KLHL25: variants seen among roughly 807,000 people sequenced by gnomAD.
The protein encoded by KLHL25 is kelch like family member 25.
Under a neutral mutation model 30.0 loss-of-function variants are expected in KLHL25, and 41 were observed. The observed-to-expected ratio is 1.37, with a 90% confidence interval of 1.07 to 1.78. The LOEUF is 1.78. Ranked by LOEUF, KLHL25 falls within the 40% of genes most tolerant of loss-of-function variation. The pLI is 0.00. For missense variants in KLHL25, 971 were observed against 824.5 expected, an observed-to-expected ratio of 1.18 and a Z score of -2.18; for synonymous variants, 399 against 355.3, an observed-to-expected ratio of 1.12 and a Z score of -1.38.
At position 85,793,863 on chromosome 15, in the gene KLHL25, C is replaced by T. The variant is rs192759964; in HGVS notation, c.-11+903G>A. 3.3e-3 allele frequency among the ~76,000 whole-genome samples: 509 copies of T among 152,260 alleles called. 3 individuals carry two copies. Among genetic ancestry groups the T allele is most frequent in the Non-Finnish European group, 2.4e-3 (166 of 68,030 alleles). ...CCCAAGAGCGTCCAGATTAAATCTG[C>T]AGGGGCCTGGGTCCGCCCCCTCACC... On this transcript the variant is annotated intron_variant, in intron 1 of 2. Transcript: ENST00000337975.
At chr15:85,778,026 G>C (rs2089720834) in intron 1 of KLHL25, among the ~76,000 whole-genome samples, 1 of 152,162 alleles carries the variant, frequency 6.6e-6, no homozygotes, top group African/African-American at 2.4e-5. Flanking sequence ...CCGCAGCAAG[G>C]AACAACCCCC....
In KLHL25 at chr15:85,769,253, G is replaced by A; in HGVS notation, c.558C>T (p.Asn186=). ...FETVRQSEDF[N]SLSKDTLLDL... ...CCAGCAGTGTGTCCTTGGACAGGCT[G>A]TTGAAGTCCTCGCTCTGCCTCACCG... Residue 186 remains asparagine (N), a synonymous_variant, in exon 2 of 3, where the codon AAC becomes AAT. Coordinates refer to ENST00000337975, the MANE Select transcript of KLHL25 (RefSeq NM_022480.4). 2 of 1,613,900 alleles carry A rather than the reference G, an allele frequency of 1.2e-6. No individual in the cohort carries two copies. The highest frequency in any genetic ancestry group is 8.5e-7 in the Non-Finnish European group (1 of 1,180,044).
chr15:85,769,935 T>G (rs2151807484), intron 1 of KLHL25, 115 bp from the exon 2 acceptor site: 1 of 865,406 alleles, frequency 1.2e-6, no homozygotes, highest in East Asian at 2.7e-5. Flanking sequence ...TCTGCTCACC[T>G]CTGCTAAACC....
intron 1 of KLHL25, among the ~76,000 whole-genome samples, chr15:85,774,730 C>G (rs1237222406): frequency 6.6e-6 from 1 of 152,046 alleles, no homozygotes; most frequent in South Asian, 2.1e-4. Flanking sequence ...GATGGGGAAA[C>G]GAGAGAGGCA....
At chr15:85,770,736 A>G (rs1484959648) in intron 1 of KLHL25, among the ~76,000 whole-genome samples, 3 of 152,162 alleles carry the variant, frequency 2.0e-5, no homozygotes, top group Admixed American at 1.3e-4. Context: ...CAGGTCCCCC[A>G]GCTGACGCCA....
At chr15:85,770,173 G>T (rs188962540) in intron 1 of KLHL25, among the ~76,000 whole-genome samples, 13 of 152,340 alleles carry the variant, frequency 8.5e-5, no homozygotes, top group Non-Finnish European at 2.9e-5. Context: ...TGTCCGGGCA[G>T]TGCTAAGTAA....
At chr15:85,785,863 A>G (rs991014705) in intron 1 of KLHL25, among the ~76,000 whole-genome samples, 1 of 152,194 alleles carries the variant, frequency 6.6e-6, no homozygotes, top group Non-Finnish European at 1.5e-5. Flanking sequence ...TGATGCCTGA[A>G]AAGAAACCTG....
intron 1 of KLHL25, among the ~76,000 whole-genome samples, chr15:85,776,673 A>C (rs1465226985): frequency 1.3e-5 from 2 of 151,812 alleles, no homozygotes; most frequent in Non-Finnish European, 2.9e-5. Context: ...CGCCTGTAAT[A>C]CCAGCACTTT....
rs1450089394 is a variant in KLHL25 at position 85,790,589 on chromosome 15, C to T, written c.-11+4177G>A. Among the ~76,000 whole-genome samples the T allele has an allele frequency of 2.6e-5, 4 of 152,146 alleles. 1 individual carries two copies. In the East Asian group the frequency reaches 7.7e-4, roughly 29 times the overall value. On this transcript the variant is annotated intron_variant, in intron 1 of 2. Coordinates refer to ENST00000337975, the MANE Select transcript of KLHL25 (RefSeq NM_022480.4). ...TTGAGGCTCACAGGGGTAAGGGAAC[C>T]TGCATGTAGTCACACAGGCAAGCTG... is the stretch of plus-strand genomic sequence containing the variant.
chr15:85,791,058 A>G (rs563317653), intron 1 of KLHL25, among the ~76,000 whole-genome samples: 34 of 152,008 alleles, frequency 2.2e-4, no homozygotes, highest in African/African-American at 8.0e-4. Context: ...AAAGCCGAGC[A>G]TGGTGGCGGG....
At position 85,769,739 on chromosome 15, in the gene KLHL25, G is replaced by A; in HGVS notation, c.72C>T (p.His24=). The change falls in exon 2 of 3, where the codon CAC becomes CAT. Residue 24 remains histidine, a synonymous_variant. Transcript: ENST00000337975. Reference sequence around the variant, plus strand: ...GCACACAGTCCGGGTGGGAGGCCTTGTGGAAGAGGGTGACGTTCATGGACC... The same window carrying A: ...GCACACAGTCCGGGTGGGAGGCCTTATGGAAGAGGGTGACGTTCATGGACC... ...STGSMNVTLF[H]KASHPDCVLA... is the part of the protein sequence containing the mutation. 1.2e-6 allele frequency: 2 copies of A among 1,613,774 alleles called. No individual in the cohort carries two copies. Among genetic ancestry groups the A allele is most frequent in the Non-Finnish European group, 1.7e-6 (2 of 1,180,044 alleles).
At chr15:85,774,854 C>G (rs956870158) in intron 1 of KLHL25, among the ~76,000 whole-genome samples, 1 of 151,552 alleles carries the variant, frequency 6.6e-6, no homozygotes, top group Admixed American at 6.6e-5. Flanking sequence ...CTCCCCACTC[C>G]CGCAGTGCGA....
At chr15:85,794,166 C>T (rs2089835592) in intron 1 of KLHL25, among the ~76,000 whole-genome samples, 1 of 152,214 alleles carries the variant, frequency 6.6e-6, no homozygotes, top group Non-Finnish European at 1.5e-5. Flanking sequence ...CCCAGGTGGA[C>T]AGGTGGGTGT....
At chr15:85,779,645 C>T (rs182339580) in intron 1 of KLHL25, among the ~76,000 whole-genome samples, 46 of 152,348 alleles carry the variant, frequency 3.0e-4, no homozygotes, top group Admixed American at 9.1e-4. Context: ...TACTATTTTA[C>T]ACTGGTTTTA....
At chr15:85,772,268 AG>A (rs1030101665) in intron 1 of KLHL25, among the ~76,000 whole-genome samples, 1 of 152,222 alleles carries the variant, frequency 6.6e-6, no homozygotes, top group Admixed American at 6.5e-5. Context: ...CTCTCCACTG[AG>A]GTCACGTTCA....
Position 85,792,520 on chromosome 15 carries a change from G to A in KLHL25, c.-11+2246C>T, listed in dbSNP as rs573069350. On this transcript the variant is annotated intron_variant, in intron 1 of 2. Coordinates refer to ENST00000337975, the MANE Select transcript of KLHL25 (RefSeq NM_022480.4). Reference sequence around the variant, plus strand: ...ACAATGGGCTGGTCTTTGGGACCAGGGGGTAGGTTCTCCCAGGACCCCCAG... The same window carrying A: ...ACAATGGGCTGGTCTTTGGGACCAGAGGGTAGGTTCTCCCAGGACCCCCAG... 5.9e-5 allele frequency among the ~76,000 whole-genome samples: 9 copies of A among 152,220 alleles called. No homozygotes were observed. In the East Asian group the frequency reaches 1.5e-3, roughly 26 times the overall value.
In KLHL25 at chr15:85,768,716, A is replaced by G; in HGVS notation, c.1095T>C (p.His365=). The G allele has an allele frequency of 6.2e-7, 1 of 1,613,464 alleles. No homozygotes were observed. Among genetic ancestry groups the G allele is most frequent in the Non-Finnish European group, 8.5e-7 (1 of 1,179,952 alleles). Residue 365 remains histidine (H), a synonymous_variant, in exon 2 of 3, where the codon CAT becomes CAC. Coordinates refer to ENST00000337975, the MANE Select transcript of KLHL25 (RefSeq NM_022480.4). ...TGGGCGCCGCCTTGGACCATTCCTC[A>G]TGTACGGTGTCGTACACCCAGACAT... ...SKDVWVYDTV[H]EEWSKAAPML...
intron 1 of KLHL25, among the ~76,000 whole-genome samples, chr15:85,778,784 T>G (rs1454159203): frequency 6.6e-6 from 1 of 152,214 alleles, no homozygotes; most frequent in Admixed American, 6.5e-5. Flanking sequence ...ACCAGGACAC[T>G]GTCCTCTCCG....
chr15:85,768,732 A>AC lies in KLHL25; in HGVS notation c.1078dup (p.Val360GlyfsTer7). ...CCATTCCTCATGTACGGTGTCGTAC[A>AC]CCCAGACATCCTTGGAGACCCCGTT... On this transcript the variant is annotated frameshift_variant, in exon 2 of 3. Transcript: ENST00000337975. LOFTEE classifies it high-confidence loss of function. The AC allele has an allele frequency of 6.2e-7, 1 of 1,613,308 alleles. No individual in the cohort carries two copies. Among genetic ancestry groups the AC allele is most frequent in the Non-Finnish European group, 8.5e-7 (1 of 1,179,912 alleles).
Sources: gnomAD v4.1 joint callset for allele counts (sites outside exome capture counted in the v4.1 genomes callset) on GRCh38, gnomAD v4.1.1 for gene constraint, MANE v1.5 for transcripts, NCBI Gene and HGNC (gene_info 2026-07-23, HGNC 2026-07-21) for gene names.